Variants in GSN observed in about 807,000 individuals in gnomAD.
GSN encodes the protein actin-depolymerizing factor.
GSN carries 56 observed loss-of-function variants against 85.7 expected under a neutral mutation model. That is an observed-to-expected ratio of 0.65 (90% confidence interval 0.53 to 0.82). GSN has a LOEUF of 0.82. GSN is among the 40% of genes least tolerant of loss of function. The pLI, the probability that GSN is intolerant of heterozygous loss-of-function variation, is 0.00. For missense variants in GSN, 857 were observed against 979.8 expected (o/e 0.87, Z 1.67); for synonymous variants, 373 against 399.1 (o/e 0.93, Z 0.78).
intron 10 of GSN, among the ~76,000 whole-genome samples, chr9:121,320,343 G>T (rs1214411313): frequency 6.6e-6 from 1 of 152,188 alleles, no homozygotes; most frequent in African/African-American, 2.4e-5. Flanking sequence ...CTCTGCAGGT[G>T]ACCTATGAAA....
intron 2 of GSN, among the ~76,000 whole-genome samples, chr9:121,286,429 A>AT (rs2058084700): frequency 6.6e-6 from 1 of 152,194 alleles, no homozygotes; most frequent in African/African-American, 2.4e-5. Flanking sequence ...AACCCCAGCC[A>AT]TGCTTCTCCA....
chr9:121,281,478 C>T lies in GSN; in HGVS notation c.-94C>T, dbSNP rs574105451. 1 of 382,714 alleles carries T rather than the reference C, an allele frequency of 2.6e-6. No individual in the cohort carries two copies. Among genetic ancestry groups the T allele is most frequent in the East Asian group, 7.3e-5 (1 of 13,728 alleles). The allele number at this position is 382,714 out of a possible 1,614,324, so 23.7% of individuals were successfully genotyped here. The stretch of plus-strand genomic sequence containing the variant: ...GTGCCCTTTGTTTACAGGTAGTGCT[C>T]ATAGCTCTCTTTGTCCAGTGCTTCG... On this transcript the variant is annotated 5_prime_UTR_variant, in exon 2 of 18. Coordinates refer to ENST00000432226, the MANE Select transcript of GSN (RefSeq NM_198252.3).
At chr9:121,255,247 C>A (rs975092949) in intron 6 of GSN, among the ~76,000 whole-genome samples, 5 of 152,094 alleles carry the variant, frequency 3.3e-5, no homozygotes, top group African/African-American at 1.2e-4. Context: ...CGCACCCGGC[C>A]ATTTATTTAT....
chr9:121,213,373 C>G (rs1483596971), intron 4 of GSN, among the ~76,000 whole-genome samples: 2 of 152,166 alleles, frequency 1.3e-5, no homozygotes, highest in Non-Finnish European at 2.9e-5. Context: ...CCAGAGGAGC[C>G]GAATCAGGCG....
At chr9:121,301,625 CAAAAAAAA>C (rs753963979) in intron 2 of GSN, among the ~76,000 whole-genome samples, 57 of 56,004 alleles carry the variant, frequency 1.0e-3, no homozygotes, top group East Asian at 2.1e-3. Flanking sequence ...GACTCTGTCT[CAAAAAAAA>C]AAAAAAAAAA....
chr9:121,202,090 G>A, the GSN span, among the ~76,000 whole-genome samples: 3 of 152,234 alleles, frequency 2.0e-5, no homozygotes, highest in East Asian at 1.9e-4. Context: ...TGGAAAGCGC[G>A]TATGCGCAAG....
At chr9:121,267,197 A>C (rs2055252201), upstream of GSN, among the ~76,000 whole-genome samples, 1 of 152,202 alleles carries the variant, frequency 6.6e-6, no homozygotes, top group Non-Finnish European at 1.5e-5. Context: ...TCATGTGTGC[A>C]CCAGGACTGC....
At chr9:121,233,534 A>G (rs1355423011) in intron 5 of GSN, among the ~76,000 whole-genome samples, 1 of 152,160 alleles carries the variant, frequency 6.6e-6, no homozygotes, top group Non-Finnish European at 1.5e-5. Context: ...ACTGAGGCAC[A>G]GGAGGTCAAA....
At chr9:121,284,527 C>T (rs1239633333) in intron 2 of GSN, 1 of 136,376 alleles carries the variant, frequency 7.3e-6, no homozygotes, top group African/African-American at 3.3e-5. Flanking sequence ...TGCCAAGGGG[C>T]TCAGGGAGAC....
intron 7 of GSN, among the ~76,000 whole-genome samples, chr9:121,316,101 A>G (rs1290766014): frequency 1.3e-5 from 2 of 152,250 alleles, no homozygotes; most frequent in African/African-American, 2.4e-5. Flanking sequence ...TACTGTCATC[A>G]GGGATCTTAA....
intron 6 of GSN, among the ~76,000 whole-genome samples, chr9:121,249,293 TACA>T (rs2054766741): frequency 6.6e-6 from 1 of 151,278 alleles, no homozygotes; most frequent in African/African-American, 2.4e-5. Flanking sequence ...ACCTGGTCTG[TACA>T]AAAAAAAAAA....
chr9:121,300,927 C>G (rs931739325), intron 2 of GSN, among the ~76,000 whole-genome samples: 1 of 152,160 alleles, frequency 6.6e-6, no homozygotes. Flanking sequence ...CCTCGATTTG[C>G]GAGTGCACCC....
chr9:121,243,822 C>G (rs578183322), intron 5 of GSN, among the ~76,000 whole-genome samples: 2 of 152,358 alleles, frequency 1.3e-5, no homozygotes, highest in Non-Finnish European at 2.9e-5. Flanking sequence ...AGGTGATCCA[C>G]CCATCTTGGC....
At chr9:121,297,319 C>T (rs1172683480) in intron 2 of GSN, among the ~76,000 whole-genome samples, 1 of 152,126 alleles carries the variant, frequency 6.6e-6, no homozygotes, top group African/African-American at 2.4e-5. Flanking sequence ...GATTCACACA[C>T]TAAGTATACC....
At chr9:121,291,767 G>A (rs535495351) in intron 2 of GSN, among the ~76,000 whole-genome samples, 50 of 152,168 alleles carry the variant, frequency 3.3e-4, no homozygotes, top group African/African-American at 1.2e-3. Flanking sequence ...TCAAGTTCTG[G>A]TGAGTCCGTG....
chr9:121,300,189 C>A, intron 2 of GSN: 1 of 1,136,692 alleles, frequency 8.8e-7, no homozygotes, highest in Non-Finnish European at 1.3e-6. Flanking sequence ...CCTCGGGGCC[C>A]TGGCTGTTCC....
chr9:121,228,896 C>G (rs2132144287), intron 4 of GSN, among the ~76,000 whole-genome samples: 2 of 152,286 alleles, frequency 1.3e-5, no homozygotes, highest in South Asian at 2.1e-4. Flanking sequence ...CTGTTTCTCT[C>G]TCTCTTCCTG....
At chr9:121,218,567 G>A (rs1417701502) in intron 4 of GSN, among the ~76,000 whole-genome samples, 4 of 152,204 alleles carry the variant, frequency 2.6e-5, no homozygotes, top group Non-Finnish European at 4.4e-5. Context: ...CTCGGGAGGC[G>A]GAGGTTGCAG....
intron 6 of GSN, among the ~76,000 whole-genome samples, chr9:121,252,616 C>G (rs925984177): frequency 6.6e-6 from 1 of 152,184 alleles, no homozygotes; most frequent in Non-Finnish European, 1.5e-5. Context: ...AGTGTGAGCT[C>G]TCCCTTAGCT....
Sources: gnomAD v4.1 joint callset for allele counts (sites outside exome capture counted in the v4.1 genomes callset) on GRCh38, gnomAD v4.1.1 for gene constraint, MANE v1.5 for transcripts, NCBI Gene and HGNC (gene_info 2026-07-23, HGNC 2026-07-21) for gene names.